Variants in MALRD1 observed in about 807,000 individuals in gnomAD.
MALRD1 encodes the protein MAM and LDL receptor class A domain containing 1, also known as MAM and LDL-receptor class A domain-containing protein 1.
A neutral mutation model predicts 242.1 loss-of-function variants in MALRD1; 247 were observed. The observed-to-expected ratio is 1.02, with a 90% CI of 0.92 to 1.13. MALRD1 has a LOEUF of 1.13. Ranked by LOEUF, MALRD1 falls within the 50% of genes most tolerant of loss-of-function variation. The probability of loss-of-function intolerance (pLI) is 0.00; values close to 1 mark genes in which losing one functional copy is unlikely to be tolerated. For synonymous variants in MALRD1, 995 were observed against 866.6 expected, an observed-to-expected ratio of 1.15 and a Z score of -2.60; for missense variants, 2,989 against 2,533.1, an observed-to-expected ratio of 1.18 and a Z score of -3.86.
chr10:19,511,278 CT>C (rs1564402427), intron 31 of MALRD1, among the ~76,000 whole-genome samples: 1 of 152,102 alleles, frequency 6.6e-6, no homozygotes, highest in Admixed American at 6.5e-5. Context: ...ACATTGGCCT[CT>C]TTTTGAGACA....
At chr10:19,584,935 A>T (rs931882763) in intron 33 of MALRD1, among the ~76,000 whole-genome samples, 2 of 151,948 alleles carry the variant, frequency 1.3e-5, no homozygotes, top group African/African-American at 2.4e-5. Flanking sequence ...TATATTTAGG[A>T]TAGTTAGCTC....
rs908682688 is a variant in MALRD1 at position 19,318,458 on chromosome 10, T to C, written c.3420-5491T>C. On this transcript the variant is annotated intron_variant, in intron 21 of 39. Transcript: ENST00000454679. ...ATAGTTTATTTTATATTTGTCCTTA[T>C]GATTGCATTTTCTAGAATTCTGTTG... Among the ~76,000 whole-genome samples, 19 of 151,624 alleles carry C rather than the reference T, an allele frequency of 1.3e-4. 1 individual carries two copies. Among genetic ancestry groups the C allele is most frequent in the Non-Finnish European group, 1.9e-4 (13 of 67,878 alleles).
chr10:19,731,232 G>GA (rs1835283316), intron 39 of MALRD1, among the ~76,000 whole-genome samples: 1 of 152,170 alleles, frequency 6.6e-6, no homozygotes, highest in African/African-American at 2.4e-5. Flanking sequence ...ACTTAGAAGA[G>GA]AAAAAACAAA....
chr10:19,371,111 GA>G (rs1845355782), intron 26 of MALRD1, among the ~76,000 whole-genome samples: 3 of 105,688 alleles, frequency 2.8e-5, no homozygotes, highest in African/African-American at 1.1e-4. Context: ...AAAAAAAAAA[GA>G]AAAAGCCAGG....
At chr10:19,351,644 A>C (rs2130996226) in intron 25 of MALRD1, among the ~76,000 whole-genome samples, 1 of 152,332 alleles carries the variant, frequency 6.6e-6, no homozygotes, top group South Asian at 2.1e-4. Context: ...AATCATGAAA[A>C]GTCTTTTTGT....
At chr10:19,488,546 C>G (rs924412746) in intron 29 of MALRD1, 2 of 152,808 alleles carry the variant, frequency 1.3e-5, no homozygotes, top group Non-Finnish European at 2.9e-5. Context: ...GTTTGGGCAG[C>G]GGGCACCTGG....
chr10:19,107,144 T>C (rs1327762455), intron 5 of MALRD1, among the ~76,000 whole-genome samples: 3 of 151,980 alleles, frequency 2.0e-5, no homozygotes, highest in Non-Finnish European at 4.4e-5. Context: ...TTTAGGTTTA[T>C]TTGATCTAGA....
intron 28 of MALRD1, among the ~76,000 whole-genome samples, chr10:19,390,647 A>G (rs1846301065): frequency 1.3e-5 from 2 of 152,160 alleles, no homozygotes; most frequent in African/African-American, 4.8e-5. Flanking sequence ...GCTTACTTTA[A>G]AGCATGCTGT....
At position 19,459,922 on chromosome 10, in the gene MALRD1, T is replaced by C. The variant is rs1285588940; in HGVS notation, c.5029+9432T>C. ...AGTAAGGCTTAAATAGCCCTTGAAATATCCCTAGGTTCAAATAGAGGCAAC... is the reference window on the plus strand; with the variant it reads ...AGTAAGGCTTAAATAGCCCTTGAAACATCCCTAGGTTCAAATAGAGGCAAC... On this transcript the variant is annotated intron_variant, in intron 29 of 39. Transcript: ENST00000454679. 2.0e-5 allele frequency among the ~76,000 whole-genome samples: 3 copies of C among 151,928 alleles called. No individual in the cohort carries two copies. The East Asian group carries it at 5.8e-4, about 29-fold the overall frequency.
intron 24 of MALRD1, 50 bp downstream of exon 24, chr10:19,331,632 C>G: frequency 7.4e-7 from 1 of 1,358,638 alleles, no homozygotes; most frequent in Non-Finnish European, 1.0e-6. Context: ...CTCCCACAGC[C>G]TTACTCAATA....
At position 19,692,308 on chromosome 10, in the gene MALRD1, G is replaced by A. The variant is rs569734829; in HGVS notation, c.6164G>A (p.Arg2055Gln). Reference protein sequence around the residue: ...CRCRQGWKGNRCHIKFNPPAT... With the variant: ...CRCRQGWKGNQCHIKFNPPAT... ...TGTAGACAAGGCTGGAAAGGAAATC[G>A]ATGCCATATCAAGTTTAATCCTCCT... Residue 2055 changes from arginine to glutamine, a missense_variant, in exon 37 of 40, where the codon CGA becomes CAA. Transcript: ENST00000454679. 34 of 1,534,732 alleles carry A rather than the reference G, an allele frequency of 2.2e-5. No individual in the cohort carries two copies. The East Asian group carries it at 4.7e-4, about 21-fold the overall frequency.
At chr10:19,155,666 T>A (rs1170065271) in intron 12 of MALRD1, among the ~76,000 whole-genome samples, 1 of 152,194 alleles carries the variant, frequency 6.6e-6, no homozygotes, top group Non-Finnish European at 1.5e-5. Context: ...TTGGTTCAAG[T>A]CTCTTTTGCC....
intron 4 of MALRD1, among the ~76,000 whole-genome samples, chr10:19,101,376 C>A (rs1326058123): frequency 2.8e-5 from 4 of 140,730 alleles, no homozygotes; most frequent in Admixed American, 1.5e-4. Context: ...TTATATATAA[C>A]CAACTTGGGT....
At chr10:19,225,296 T>A (rs967572184) in intron 18 of MALRD1, among the ~76,000 whole-genome samples, 1 of 152,122 alleles carries the variant, frequency 6.6e-6, no homozygotes. Flanking sequence ...ATAATGGAGA[T>A]AAAGAAAAGT....
chr10:19,317,073 A>T (rs1274384754), intron 21 of MALRD1, among the ~76,000 whole-genome samples: 1 of 151,368 alleles, frequency 6.6e-6, no homozygotes, highest in South Asian at 2.1e-4. Flanking sequence ...AAAACTTAAA[A>T]AATTTTTTTA....
chr10:19,664,514 CAATTT>C (rs1841587398), intron 36 of MALRD1, among the ~76,000 whole-genome samples: 1 of 151,752 alleles, frequency 6.6e-6, no homozygotes, highest in Non-Finnish European at 1.5e-5. Context: ...AGTGTTAATT[CAATTT>C]AATGGCCTTT....
At chr10:19,664,132 T>G (rs1332256166) in intron 36 of MALRD1, among the ~76,000 whole-genome samples, 1 of 148,704 alleles carries the variant, frequency 6.7e-6, no homozygotes, top group Non-Finnish European at 1.5e-5. Context: ...TTTTCCAGGG[T>G]TTTTTTTTTC....
intron 14 of MALRD1, among the ~76,000 whole-genome samples, chr10:19,179,916 T>C (rs1418112812): frequency 6.6e-6 from 1 of 152,194 alleles, no homozygotes; most frequent in Non-Finnish European, 1.5e-5. Context: ...AATGCCTCCA[T>C]TCTTTCTGCT....
chr10:19,281,676 A>G (rs533820020), intron 20 of MALRD1, among the ~76,000 whole-genome samples: 107 of 152,292 alleles, frequency 7.0e-4, no homozygotes, highest in Middle Eastern at 3.4e-3. Context: ...AATTGTGATA[A>G]AAACACATAA....
Sources: allele counts gnomAD v4.1 joint callset (sites outside exome capture counted in the v4.1 genomes callset), GRCh38; gene constraint gnomAD v4.1.1; transcripts MANE v1.5; gene names NCBI Gene and HGNC (gene_info 2026-07-23, HGNC 2026-07-21).